The following FCRL5 variants were observed in gnomAD, a reference collection of about 807,000 sequenced individuals.
The protein encoded by FCRL5 is Fc receptor like 5.
Under a neutral mutation model 92.1 loss-of-function variants are expected in FCRL5, and 79 were observed. The ratio of observed to expected loss-of-function variants is 0.86; its 90% CI spans 0.72 to 1.03. The LOEUF is 1.03. FCRL5 is among the 50% of genes least tolerant of loss of function. FCRL5 has a pLI of 0.00. For missense variants in FCRL5, 1,160 were observed against 1,181.1 expected (o/e 0.98, Z 0.26); for synonymous variants, 466 against 469.3 (o/e 0.99, Z 0.09).
At chr1:157,520,340 C>G in intron 12 of FCRL5, 91 bp downstream of exon 12, 1 of 890,108 alleles carries the variant, frequency 1.1e-6, no homozygotes, top group Non-Finnish European at 1.8e-6. Context: ...CTCTTGCGAG[C>G]CTGGGATGGT....
At chr1:157,542,312 C>T (rs1026585118) in intron 6 of FCRL5, 2 of 153,816 alleles carry the variant, frequency 1.3e-5, no homozygotes, top group Non-Finnish European at 2.9e-5. Flanking sequence ...AAGCTATCTC[C>T]TGGCCTGCCC....
At chr1:157,525,172 A>G (rs1650373264) in intron 9 of FCRL5, among the ~76,000 whole-genome samples, 1 of 152,244 alleles carries the variant, frequency 6.6e-6, no homozygotes, top group South Asian at 2.1e-4. Context: ...TTAAATAAAA[A>G]TACAGTAAAT....
intron 8 of FCRL5, among the ~76,000 whole-genome samples, chr1:157,531,141 G>C (rs148593181): frequency 6.6e-6 from 1 of 151,892 alleles, no homozygotes; most frequent in Admixed American, 6.6e-5. Context: ...CAAACAAGCT[G>C]ATTAAAAAAT....
At chr1:157,524,033 G>A (rs371749682) in intron 10 of FCRL5, 1 of 495,200 alleles carries the variant, frequency 2.0e-6, no homozygotes, top group South Asian at 4.9e-5. Flanking sequence ...TTCTAAAAAA[G>A]TCTTATTTGC....
At chr1:157,529,465 G>T (rs912926843) in intron 8 of FCRL5, among the ~76,000 whole-genome samples, 4 of 152,148 alleles carry the variant, frequency 2.6e-5, no homozygotes, top group African/African-American at 9.7e-5. Flanking sequence ...CAGAGGAAAA[G>T]AAGTCATTAT....
chr1:157,529,365 C>T (rs1006772707), intron 8 of FCRL5, among the ~76,000 whole-genome samples: 1 of 152,182 alleles, frequency 6.6e-6, no homozygotes, highest in African/African-American at 2.4e-5. Flanking sequence ...TAAACTATTA[C>T]AACCACTATG....
At chr1:157,537,397 A>C (rs1413541816) in intron 7 of FCRL5, among the ~76,000 whole-genome samples, 3 of 152,188 alleles carry the variant, frequency 2.0e-5, no homozygotes, top group African/African-American at 7.2e-5. Flanking sequence ...GGACGAGGAA[A>C]TTCCTGCCTA....
rs756377045 is a variant in FCRL5 at position 157,515,681 on chromosome 1, G to A, written c.2928C>T (p.His976=). The A allele has an allele frequency of 6.2e-7, 1 of 1,614,212 alleles. No homozygotes were observed. Among genetic ancestry groups the A allele is most frequent in the Non-Finnish European group, 8.5e-7 (1 of 1,180,026 alleles). ...GSLFLASSAP[H]R The stretch of plus-strand genomic sequence containing the variant: ...GTTGGAGAGACGTGTGGACTCATCT[G>A]TGAGGAGCTGAGGAAGCCAAGAACA... The change falls in exon 17 of 17, where the codon CAC becomes CAT. Residue 976 remains histidine, a synonymous_variant. Transcript: ENST00000361835.
chr1:157,525,471 T>C lies in FCRL5; in HGVS notation c.1961-914A>G, dbSNP rs1452618362. ...GATCTAGGCTGGACTTCATAAGCCA[T>C]GAAAGGATTTTGATCCTTCTTCACA... On this transcript the variant is annotated intron_variant, in intron 9 of 16. Transcript: ENST00000361835. Among the ~76,000 whole-genome samples, 4 of 152,230 alleles carry C rather than the reference T, an allele frequency of 2.6e-5. No individual in the cohort carries two copies. In the East Asian group the frequency reaches 5.8e-4, roughly 22 times the overall value.
At chr1:157,526,084 C>T (rs1241054315) in intron 9 of FCRL5, among the ~76,000 whole-genome samples, 1 of 152,052 alleles carries the variant, frequency 6.6e-6, no homozygotes, top group Admixed American at 6.5e-5. Flanking sequence ...TGGAACATGC[C>T]AGTGCTTAAA....
intron 12 of FCRL5, among the ~76,000 whole-genome samples, chr1:157,520,018 C>T (rs540500917): frequency 1.3e-5 from 2 of 152,216 alleles, no homozygotes; most frequent in African/African-American, 2.4e-5. Context: ...AAGATAATCT[C>T]CAAGGCAGGA....
Position 157,527,732 on chromosome 1 carries a change from TC to T in FCRL5, c.1844del (p.Gly615GlufsTer10). 1 of 1,614,138 alleles carries T rather than the reference TC, an allele frequency of 6.2e-7. No homozygotes were observed. Among genetic ancestry groups the T allele is most frequent in the East Asian group, 2.2e-5 (1 of 44,874 alleles). On this transcript the variant is annotated frameshift_variant, in exon 9 of 17. Transcript: ENST00000361835. LOFTEE classifies it high-confidence loss of function. ...VTLGSSSAPS[G>X]GEASFNLSLT... is the part of the protein sequence containing the mutation. The stretch of plus-strand genomic sequence containing the variant: ...GAGAGAGGTTGAAAGAAGCTTCTCC[TC>T]CAGAGGGGGCTGAGCTGCTCCCCAG...
At chr1:157,529,925 A>C (rs938375115) in intron 8 of FCRL5, among the ~76,000 whole-genome samples, 1 of 152,232 alleles carries the variant, frequency 6.6e-6, no homozygotes, top group Non-Finnish European at 1.5e-5. Flanking sequence ...GAAGTTACTC[A>C]TGTAACCAAA....
chr1:157,539,696 G>C (rs1651158330), intron 6 of FCRL5, among the ~76,000 whole-genome samples: 1 of 152,172 alleles, frequency 6.6e-6, no homozygotes, highest in African/African-American at 2.4e-5. Flanking sequence ...CAGGACAAAA[G>C]ACAGAACTTT....
intron 6 of FCRL5, chr1:157,541,913 G>A (rs1482059249): frequency 6.6e-6 from 1 of 152,312 alleles, no homozygotes; most frequent in East Asian, 1.9e-4. Context: ...TGATGTCACT[G>A]TCTCCACTTT....
At chr1:157,522,203 G>C (rs1650229690) in intron 10 of FCRL5, 1 of 152,232 alleles carries the variant, frequency 6.6e-6, no homozygotes, top group Admixed American at 6.5e-5. Context: ...GAAGTGATAT[G>C]AGCAGGTAGA....
At chr1:157,517,459 C>T (rs933460946) in intron 15 of FCRL5, among the ~76,000 whole-genome samples, 9 of 152,126 alleles carry the variant, frequency 5.9e-5, no homozygotes, top group African/African-American at 1.9e-4. Flanking sequence ...TCTGGGTTAT[C>T]CAGATGGGCC....
In FCRL5 at chr1:157,549,862, T is replaced by C. The variant is rs531176299; in HGVS notation, c.32-282A>G. On this transcript the variant is annotated intron_variant, in intron 1 of 16. Coordinates refer to ENST00000361835, the MANE Select transcript of FCRL5 (RefSeq NM_031281.3). ...AACAGAAACACGATTTAAAATAATA[T>C]AACACAGGGTGTAAGTGCAATAACA... is the stretch of plus-strand genomic sequence containing the variant. Among the ~76,000 whole-genome samples the C allele has an allele frequency of 2.0e-3, 298 of 152,044 alleles. 2 individuals carry two copies. The highest frequency in any genetic ancestry group is 3.6e-3 in the Non-Finnish European group (242 of 67,998).
chr1:157,520,410 G>T, intron 12 of FCRL5, 21 bp downstream of exon 12: 1 of 1,529,066 alleles, frequency 6.5e-7, no homozygotes, highest in South Asian at 1.2e-5. Context: ...CTCAAGCCAA[G>T]GTGTGCCCAG....
Sources: allele counts gnomAD v4.1 joint callset (sites outside exome capture counted in the v4.1 genomes callset), GRCh38; gene constraint gnomAD v4.1.1; transcripts MANE v1.5; gene names NCBI Gene and HGNC (gene_info 2026-07-23, HGNC 2026-07-21).